Variants in AKT3 observed in about 807,000 individuals in gnomAD.
AKT3 encodes the protein RAC-gamma serine/threonine-protein kinase.
A neutral mutation model predicts 65.3 loss-of-function variants in AKT3; 15 were observed. That is an observed-to-expected ratio of 0.23 (90% CI 0.15 to 0.35). The LOEUF (loss-of-function observed/expected upper bound fraction) is 0.35, where lower values mean the gene tolerates loss of function less well. Among genes scored for constraint, AKT3 ranks in the 10% least tolerant of loss-of-function variants. AKT3 has a pLI of 1.00. For missense variants in AKT3, 243 were observed against 576.5 expected (o/e 0.42, Z 5.92); for synonymous variants, 206 against 183.8 (o/e 1.12, Z -0.98).
chr1:243,499,698 G>C, downstream of AKT3: 1 of 1,355,706 alleles, frequency 7.4e-7, no homozygotes, highest in Non-Finnish European at 1.1e-6. Flanking sequence ...CAAATGAGAA[G>C]ACAAATAACA....
At chr1:243,706,882 G>A (rs1368904793) in intron 2 of AKT3, among the ~76,000 whole-genome samples, 1 of 152,096 alleles carries the variant, frequency 6.6e-6, no homozygotes, top group Non-Finnish European at 1.5e-5. Flanking sequence ...AGCTAGTAAA[G>A]GACAGAGTTA....
chr1:243,567,774 C>G (rs943983918), intron 9 of AKT3, among the ~76,000 whole-genome samples: 1 of 152,074 alleles, frequency 6.6e-6, no homozygotes, highest in African/African-American at 2.4e-5. Context: ...ATAATATCCC[C>G]AAATCTAATC....
chr1:243,672,503 T>C (rs1266521355), intron 3 of AKT3, among the ~76,000 whole-genome samples: 3 of 152,220 alleles, frequency 2.0e-5, no homozygotes, highest in Non-Finnish European at 2.9e-5. Flanking sequence ...GTTCTTACAT[T>C]TGATTCCATA....
At position 243,717,381 on chromosome 1, in the gene AKT3, G is replaced by A. The variant is rs539498275; in HGVS notation, c.47-21665C>T. ...AGTATCAAAAATACTGGAAGCACTG[G>A]CAGACTCCACCTGATAAACAGGCTG... On this transcript the variant is annotated intron_variant, in intron 2 of 13. Transcript: ENST00000673466. Among the ~76,000 whole-genome samples, 5 of 152,234 alleles carry A rather than the reference G, an allele frequency of 3.3e-5. No homozygotes were observed. In the South Asian group the frequency reaches 1.0e-3, roughly 32 times the overall value.
intron 3 of AKT3, among the ~76,000 whole-genome samples, chr1:243,681,681 C>T (rs1021432353): frequency 6.6e-6 from 1 of 152,152 alleles, no homozygotes; most frequent in Admixed American, 6.6e-5. Context: ...TTGAAGAGAG[C>T]TGTCATCTCT....
At chr1:243,594,274 CAG>C (rs1471331064) in intron 8 of AKT3, among the ~76,000 whole-genome samples, 2 of 152,070 alleles carry the variant, frequency 1.3e-5, no homozygotes, top group Non-Finnish European at 2.9e-5. Context: ...CATAAGCAAA[CAG>C]AGTGTGTGTC....
chr1:243,699,199 C>G (rs1442831934), intron 2 of AKT3, among the ~76,000 whole-genome samples: 1 of 151,908 alleles, frequency 6.6e-6, no homozygotes, highest in Non-Finnish European at 1.5e-5. Context: ...GAATTTGCAT[C>G]TAAGTTTACA....
chr1:243,755,662 G>A (rs561170846), intron 2 of AKT3, among the ~76,000 whole-genome samples: 2 of 152,196 alleles, frequency 1.3e-5, no homozygotes, highest in African/African-American at 4.8e-5. Context: ...ATCATAACAA[G>A]CCTTAAGTTA....
At chr1:243,759,118 A>C (rs1021543802) in intron 2 of AKT3, among the ~76,000 whole-genome samples, 2 of 152,174 alleles carry the variant, frequency 1.3e-5, no homozygotes, top group African/African-American at 4.8e-5. Flanking sequence ...GTTCAAGACC[A>C]GCCTGGGCAA....
intron 2 of AKT3, among the ~76,000 whole-genome samples, chr1:243,740,228 T>G (rs2148173467): frequency 6.6e-6 from 1 of 152,340 alleles, no homozygotes; most frequent in South Asian, 2.1e-4. Flanking sequence ...AGTAATACTT[T>G]GTGTTTTATA....
chr1:243,708,949 C>CA (rs1685978143), intron 2 of AKT3, among the ~76,000 whole-genome samples: 1 of 151,930 alleles, frequency 6.6e-6, no homozygotes, highest in Admixed American at 6.6e-5. Flanking sequence ...ACTGAGTTTT[C>CA]ATAACTGATT....
At chr1:243,523,952 G>C (rs1204007610) in intron 12 of AKT3, among the ~76,000 whole-genome samples, 1 of 152,192 alleles carries the variant, frequency 6.6e-6, no homozygotes, top group East Asian at 1.9e-4. Flanking sequence ...ATGCATGTTA[G>C]TTGATTGTGT....
chr1:243,835,285 C>T (rs556342312), intron 2 of AKT3, among the ~76,000 whole-genome samples: 16 of 152,240 alleles, frequency 1.1e-4, no homozygotes, highest in African/African-American at 3.9e-4. Flanking sequence ...ACCAAAATCA[C>T]CCTGGTTGTA....
At position 243,801,535 on chromosome 1, in the gene AKT3, A is replaced by G. The variant is rs187961641; in HGVS notation, c.46+41590T>C. 3.9e-5 allele frequency among the ~76,000 whole-genome samples: 6 copies of G among 152,352 alleles called. No individual in the cohort carries two copies. The East Asian group carries it at 9.6e-4, about 24-fold the overall frequency. On this transcript the variant is annotated intron_variant, in intron 2 of 13. Coordinates refer to ENST00000673466, the MANE Select transcript of AKT3 (RefSeq NM_005465.7). ...ATGTTTATCCAGCCAACAAAAAAGT[A>G]TAATAGCACAAAGACTGCCTTCTGA...
chr1:243,642,508 A>T (rs915700713), intron 5 of AKT3, among the ~76,000 whole-genome samples: 23 of 152,078 alleles, frequency 1.5e-4, no homozygotes. Flanking sequence ...ACGGGGTTTC[A>T]CCGTGTTAGC....
intron 4 of AKT3, among the ~76,000 whole-genome samples, chr1:243,652,001 A>G (rs1407291960): frequency 6.6e-6 from 1 of 152,016 alleles, no homozygotes; most frequent in Admixed American, 6.6e-5. Context: ...CCTACAAGCC[A>G]GAAGAGAGTG....
chr1:243,550,907 C>T (rs1673016481), intron 11 of AKT3, among the ~76,000 whole-genome samples: 2 of 126,438 alleles, frequency 1.6e-5, no homozygotes, highest in Non-Finnish European at 3.1e-5. Context: ...TGCAGTGGGC[C>T]GAGATTGCGC....
At chr1:243,732,253 C>T (rs1687610486) in intron 2 of AKT3, among the ~76,000 whole-genome samples, 1 of 152,156 alleles carries the variant, frequency 6.6e-6, no homozygotes, top group African/African-American at 2.4e-5. Context: ...CTAAGATGTT[C>T]CCCAGACCAG....
At chr1:243,651,807 TG>T (rs1181086088) in intron 4 of AKT3, among the ~76,000 whole-genome samples, 1 of 152,068 alleles carries the variant, frequency 6.6e-6, no homozygotes, top group Non-Finnish European at 1.5e-5. Context: ...AGTATTTTAC[TG>T]AGGATTTTTG....
Sources: allele counts gnomAD v4.1 joint callset (sites outside exome capture counted in the v4.1 genomes callset), GRCh38; gene constraint gnomAD v4.1.1; transcripts MANE v1.5; gene names NCBI Gene and HGNC (gene_info 2026-07-23, HGNC 2026-07-21).